Variants in ARHGEF3 observed in about 807,000 individuals in gnomAD.
ARHGEF3 encodes the protein 59.8 kDA protein.
A neutral mutation model predicts 63.2 loss-of-function variants in ARHGEF3; 28 were observed. The ratio of observed to expected loss-of-function variants is 0.44; its 90% confidence interval spans 0.33 to 0.61. The LOEUF (loss-of-function observed/expected upper bound fraction) is 0.61. Among genes scored for constraint, ARHGEF3 ranks in the 20% least tolerant of loss-of-function variants. The pLI is 0.03. For synonymous variants in ARHGEF3, 266 were observed against 254.2 expected, an observed-to-expected ratio of 1.05 and a Z score of -0.44; for missense variants, 533 against 659.3, an observed-to-expected ratio of 0.81 and a Z score of 2.10.
chr3:56,871,480 A>G lies in ARHGEF3; in HGVS notation c.192+10812T>C, dbSNP rs1025314960. On this transcript the variant is annotated intron_variant, in intron 4 of 12. Transcript: ENST00000338458. Reference sequence around the variant, plus strand: ...AACAAAAACAAAAAACAAAGGTTAAAAAAAGCAATGTGAAGGACCAGTAAG... The same window carrying G: ...AACAAAAACAAAAAACAAAGGTTAAGAAAAGCAATGTGAAGGACCAGTAAG... Among the ~76,000 whole-genome samples the G allele has an allele frequency of 5.3e-5, 8 of 152,294 alleles. No homozygotes were observed. The East Asian group carries it at 1.2e-3, about 22-fold the overall frequency.
At chr3:56,798,276 G>T (rs1387747841) in intron 1 of ARHGEF3, among the ~76,000 whole-genome samples, 1 of 152,206 alleles carries the variant, frequency 6.6e-6, no homozygotes, top group East Asian at 1.9e-4. Flanking sequence ...TAAAACTGCT[G>T]AGAGTCAAAA....
intron 2 of ARHGEF3, among the ~76,000 whole-genome samples, chr3:56,979,847 T>C (rs1336559891): frequency 2.0e-5 from 3 of 152,182 alleles, no homozygotes; most frequent in Non-Finnish European, 4.4e-5. Context: ...ACTCAATCCT[T>C]AGAAGGTGCT....
At chr3:57,079,239 C>A (rs1275852239) in exon 1 of ARHGEF3, 2 of 375,658 alleles carry the variant, frequency 5.3e-6, no homozygotes, top group East Asian at 7.6e-5. Flanking sequence ...GACCCCCGCG[C>A]TGGTTCGGCC....
At chr3:56,803,022 T>TA (rs141381100), upstream of ARHGEF3, among the ~76,000 whole-genome samples, 164 of 151,300 alleles carry the variant, frequency 1.1e-3, no homozygotes, top group African/African-American at 1.3e-3. Flanking sequence ...CCATTTGTGT[T>TA]AAAAAAAAAT....
intron 1 of ARHGEF3, among the ~76,000 whole-genome samples, chr3:57,050,707 G>A (rs1315305209): frequency 6.6e-6 from 1 of 152,234 alleles, no homozygotes; most frequent in Non-Finnish European, 1.5e-5. Flanking sequence ...ATGAATAGCT[G>A]TGGACAACTA....
chr3:57,050,482 AAGAT>A (rs760039448), intron 1 of ARHGEF3, among the ~76,000 whole-genome samples: 15 of 152,288 alleles, frequency 9.8e-5, no homozygotes, highest in East Asian at 5.8e-4. Context: ...AGTGGGGAGA[AAGAT>A]AAAGAAAGAG....
intron 3 of ARHGEF3, among the ~76,000 whole-genome samples, chr3:56,886,051 T>C (rs2040916945): frequency 6.6e-6 from 1 of 152,156 alleles, no homozygotes; most frequent in Admixed American, 6.5e-5. Flanking sequence ...TGCCCACTAG[T>C]TTGGAGTAAA....
In ARHGEF3 at chr3:56,921,593, T is replaced by C. The variant is rs535042383; in HGVS notation, c.129+37230A>G. Among the ~76,000 whole-genome samples the C allele has an allele frequency of 3.5e-4, 54 of 152,338 alleles. 1 individual carries two copies. In the South Asian group the frequency reaches 0.01, roughly 29 times the overall value. On this transcript the variant is annotated intron_variant, in intron 3 of 12. Transcript: ENST00000338458. The stretch of plus-strand genomic sequence containing the variant: ...AAGCTGGAAGGGTGGTTAATCCAAG[T>C]AAAACCTGAACAATTCCTCTGCCTG...
At chr3:56,916,522 G>A (rs1560047653) in intron 3 of ARHGEF3, 13 of 1,357,562 alleles carry the variant, frequency 9.6e-6, no homozygotes, top group South Asian at 5.3e-5. Flanking sequence ...GCTGAGAGCC[G>A]CACCAGTCAA....
chr3:56,910,390 GT>G (rs1425570157), intron 3 of ARHGEF3, among the ~76,000 whole-genome samples: 1 of 152,222 alleles, frequency 6.6e-6, no homozygotes, highest in African/African-American at 2.4e-5. Flanking sequence ...GATGAGTACA[GT>G]CAAAATCACT....
chr3:56,917,931 T>C (rs1177430539), intron 3 of ARHGEF3, among the ~76,000 whole-genome samples: 4 of 152,212 alleles, frequency 2.6e-5, no homozygotes, highest in African/African-American at 9.7e-5. Context: ...AGCTAGCACC[T>C]GGAAGCACTC....
chr3:56,779,221 T>C (rs995842688), intron 1 of ARHGEF3, among the ~76,000 whole-genome samples: 2 of 152,108 alleles, frequency 1.3e-5, no homozygotes, highest in Non-Finnish European at 2.9e-5. Context: ...CTTAACTTTC[T>C]AAACACAATG....
chr3:57,035,181 T>C, intron 1 of ARHGEF3: 1 of 1,469,000 alleles, frequency 6.8e-7, no homozygotes, highest in Non-Finnish European at 9.1e-7. Context: ...GGTCTCCTTT[T>C]TTAAAAAGCA....
In ARHGEF3 at chr3:56,729,162, A is replaced by T; in HGVS notation, c.*108T>A. 1.0e-6 allele frequency: 1 copy of T among 956,160 alleles called. No homozygotes were observed. The highest frequency in any genetic ancestry group is 1.7e-5 in the African/African-American group (1 of 59,564). 59.2% of individuals were successfully genotyped at this position (956,160 alleles called of 1,614,324 possible). A position where few individuals can be genotyped will look rare whatever the true frequency, so the allele number is the denominator to read the frequency against. On this transcript the variant is annotated 3_prime_UTR_variant, in exon 10 of 10. Coordinates refer to ENST00000296315, the MANE Select transcript of ARHGEF3 (RefSeq NM_019555.3). The stretch of plus-strand genomic sequence containing the variant: ...TACGAGAGACTGGGCCAACATGTAT[A>T]CTTTCACAAAAGTATGAAAAAGTGC...
intron 2 of ARHGEF3, among the ~76,000 whole-genome samples, chr3:57,015,560 G>A (rs545992188): frequency 1.1e-4 from 16 of 151,694 alleles, no homozygotes; most frequent in African/African-American, 3.4e-4. Flanking sequence ...CAGCCTCCTG[G>A]GTAGGTAGGA....
At position 57,003,912 on chromosome 3, in the gene ARHGEF3, C is replaced by CT. The variant is rs373687642; in HGVS notation, c.62+31175dup. ...GCATCTGGACTCCAGCCCAGTGAGACTGCATGGAGACTTCTGATCTCCAGA... is the reference window on the plus strand; with the variant it reads ...GCATCTGGACTCCAGCCCAGTGAGACTTGCATGGAGACTTCTGATCTCCAGA... On this transcript the variant is annotated intron_variant, in intron 2 of 12. Coordinates refer to the ARHGEF3 transcript ENST00000338458. 6.3e-3 allele frequency among the ~76,000 whole-genome samples: 965 copies of CT among 152,344 alleles called. 8 individuals carry two copies. Among genetic ancestry groups the CT allele is most frequent in the African/African-American group, 0.021 (887 of 41,576 alleles).
chr3:57,075,681 A>C (rs911788617), intron 1 of ARHGEF3, among the ~76,000 whole-genome samples: 24 of 152,258 alleles, frequency 1.6e-4, no homozygotes, highest in Middle Eastern at 6.8e-3. Context: ...ATGGTGGTGC[A>C]TGCCCATAGT....
intron 3 of ARHGEF3, among the ~76,000 whole-genome samples, chr3:56,896,458 T>C (rs1189368373): frequency 1.3e-5 from 2 of 152,190 alleles, no homozygotes; most frequent in East Asian, 1.9e-4. Flanking sequence ...ATTGACAAAA[T>C]GTATCAACTC....
intron 1 of ARHGEF3, chr3:57,079,090 G>C (rs1423008305): frequency 3.1e-6 from 1 of 320,020 alleles, no homozygotes; most frequent in Non-Finnish European, 5.7e-6. Flanking sequence ...CCAGCTCGGG[G>C]ACCAGGGCAA....
Sources: gnomAD v4.1 joint callset for allele counts (sites outside exome capture counted in the v4.1 genomes callset) on GRCh38, gnomAD v4.1.1 for gene constraint, MANE v1.5 for transcripts, NCBI Gene and HGNC (gene_info 2026-07-23, HGNC 2026-07-21) for gene names.